Variants in AKNA observed in about 807,000 individuals in gnomAD.
The protein encoded by AKNA is microtubule organization protein AKNA.
In AKNA, 67 loss-of-function variants were observed where a neutral mutation model predicts 138.8. The observed-to-expected ratio is 0.48, with a 90% CI of 0.40 to 0.59. AKNA has a LOEUF of 0.59. Ranked by LOEUF, AKNA falls within the 20% of genes least tolerant of loss-of-function variation. AKNA has a pLI of 0.00. For synonymous variants in AKNA, 737 were observed against 754.4 expected (o/e 0.98, Z 0.38); for missense variants, 1,813 against 1,880.4 (o/e 0.96, Z 0.66).
chr9:114,387,836 C>A (rs1461745471), intron 1 of AKNA, 24 bp downstream of exon 1: 2 of 440,992 alleles, frequency 4.5e-6, no homozygotes, highest in Admixed American at 2.4e-5. Context: ...GCCTCCCGGG[C>A]CCTCCTCCGT....
rs1831771176 is a variant in AKNA at position 114,359,579 on chromosome 9, G to C, written c.2492+15C>G. The C allele has an allele frequency of 6.2e-7, 1 of 1,610,838 alleles. No individual in the cohort carries two copies. Among genetic ancestry groups the C allele is most frequent in the Admixed American group, 1.7e-5 (1 of 59,870 alleles). On this transcript the variant is annotated intron_variant, in intron 11 of 21. Transcript: ENST00000374088. Reference sequence around the variant, plus strand: ...GTGGAAACAAACATTCTGCAGGAAAGGCTCAGTGACTTACTCCAGGGGAGC... The same window carrying C: ...GTGGAAACAAACATTCTGCAGGAAACGCTCAGTGACTTACTCCAGGGGAGC...
At chr9:114,342,402 G>A (rs1008447881) in intron 19 of AKNA, among the ~76,000 whole-genome samples, 2 of 152,172 alleles carry the variant, frequency 1.3e-5, no homozygotes, top group African/African-American at 4.8e-5. Flanking sequence ...TTTACAGATG[G>A]GGAAATTAAG....
At position 114,387,915 on chromosome 9, in the gene AKNA, A is replaced by G; in HGVS notation, c.-169T>C. The G allele has an allele frequency of 2.2e-6, 1 of 454,608 alleles. No individual in the cohort carries two copies. 28.2% of individuals were successfully genotyped at this position (454,608 alleles called of 1,614,324 possible). On this transcript the variant is annotated 5_prime_UTR_variant, in exon 1 of 22. Coordinates refer to ENST00000374088, the MANE Select transcript of AKNA (RefSeq NM_001317950.2). ...CCCAGTTTCAGGGGACCTGCCTGTG[A>G]ATTCTTTGTTCCAAACCCAGGGAGC...
rs1373206546 is a variant in AKNA, at chr9:114,376,588, C to T, written c.1219G>A (p.Val407Met). ...FKSPAEIVQE[V>M]LLSSGEAALA... ...GCTGCTTCTCCACTGCTCAACAGCA[C>T]CTCCTGCACAATCTCAGCTGGAGAC... Residue 407 changes from valine to methionine, a missense_variant, in exon 3 of 22, where the codon GTG becomes ATG. Physicochemically the swap from Val to Met is conservative, Grantham distance 21. Coordinates refer to ENST00000374088, the MANE Select transcript of AKNA (RefSeq NM_001317950.2). The T allele has an allele frequency of 2.5e-6, 4 of 1,614,042 alleles. No individual in the cohort carries two copies. The highest frequency in any genetic ancestry group is 3.4e-6 in the Non-Finnish European group (4 of 1,180,036).
At chr9:114,342,653 A>G (rs367763040) in intron 19 of AKNA, among the ~76,000 whole-genome samples, 4 of 152,088 alleles carry the variant, frequency 2.6e-5, no homozygotes, top group South Asian at 2.1e-4. Context: ...TACATCCCCA[A>G]TGCCACACCT....
rs73656047 is a variant in AKNA at position 114,356,756 on chromosome 9, G to T, written c.2846+107C>A. The T allele has an allele frequency of 3.1e-3, 3,045 of 987,954 alleles. 72 individuals are homozygous for T. In the African/African-American group the frequency reaches 0.046, roughly 15 times the overall value. The allele number at this position is 987,954 out of a possible 1,614,324, so 61.2% of individuals were successfully genotyped here. A position where few individuals can be genotyped will look rare whatever the true frequency, so the allele number is the denominator to read the frequency against. ...GTTAGGGGATGAAATGAGGGCCTAC[G>T]AATGGACAGACCATCCTCTCTTATT... On this transcript the variant is annotated intron_variant, in intron 13 of 21. Transcript: ENST00000374088.
At chr9:114,389,450 T>C (rs1291899037), upstream of AKNA, among the ~76,000 whole-genome samples, 5 of 152,192 alleles carry the variant, frequency 3.3e-5, no homozygotes, top group African/African-American at 1.2e-4. Context: ...AGAGTCACTG[T>C]GGACCTGGGT....
chr9:114,346,647 G>C, intron 17 of AKNA, 22 bp downstream of exon 17: 3 of 1,576,316 alleles, frequency 1.9e-6, no homozygotes, highest in Non-Finnish European at 2.6e-6. Flanking sequence ...CTGGAAATCA[G>C]CCTTTGCAGG....
intron 8 of AKNA, 71 bp downstream of exon 8, chr9:114,362,335 C>G: frequency 6.6e-7 from 1 of 1,506,196 alleles, no homozygotes; most frequent in Non-Finnish European, 8.9e-7. Flanking sequence ...AAAGTGCCTC[C>G]CTCCTGGAGA....
chr9:114,344,042 G>A, intron 18 of AKNA: 1 of 438,052 alleles, frequency 2.3e-6, no homozygotes, highest in Non-Finnish European at 4.1e-6. Context: ...TTTATTGTAA[G>A]CTTTCTCCAG....
intron 17 of AKNA, 51 bp downstream of exon 17, chr9:114,346,618 C>G (rs1186004436): frequency 1.4e-6 from 2 of 1,445,744 alleles, no homozygotes; most frequent in East Asian, 2.3e-5. Flanking sequence ...ACTGAGCCAA[C>G]ATGCTCAGAC....
At chr9:114,356,741 G>T in intron 13 of AKNA, 122 bp downstream of exon 13, 1 of 854,354 alleles carries the variant, frequency 1.2e-6, no homozygotes, top group Non-Finnish European at 1.8e-6. Context: ...GTTAGGGGAT[G>T]AAATGAGGGC....
rs1264032335 is a variant in AKNA at position 114,337,024 on chromosome 9, C to T, written c.*30G>A. 1.3e-5 allele frequency: 5 copies of T among 382,228 alleles called. No homozygotes were observed. Among genetic ancestry groups the T allele is most frequent in the African/African-American group, 6.3e-5 (3 of 47,250 alleles). The allele number at this position is 382,228 out of a possible 1,614,324, so 23.7% of individuals were successfully genotyped here. On this transcript the variant is annotated 3_prime_UTR_variant, in exon 22 of 22. Transcript: ENST00000374088. ...CTGGCAGGCCACCTGCCCACCCACC[C>T]ACCCATCTGCCTCTGGGCCCCCAGT...
At chr9:114,367,805 A>C in intron 5 of AKNA, 108 bp from the exon 6 acceptor site, 328 of 1,256,542 alleles carry the variant, frequency 2.6e-4, no homozygotes, top group Non-Finnish European at 3.1e-4. Context: ...GTTATAGCTC[A>C]GTCACCATGT....
intron 6 of AKNA, among the ~76,000 whole-genome samples, chr9:114,366,124 C>T (rs1832334018): frequency 6.6e-6 from 1 of 151,896 alleles, no homozygotes; most frequent in African/African-American, 2.4e-5. Flanking sequence ...ACTAAAAATA[C>T]AAAAATTAGC....
intron 1 of AKNA, among the ~76,000 whole-genome samples, chr9:114,382,672 C>A (rs1833774645): frequency 6.6e-6 from 1 of 150,928 alleles, no homozygotes; most frequent in East Asian, 1.9e-4. Flanking sequence ...GAAGTCCCAA[C>A]ACATGCTACA....
rs148745966 is a variant in AKNA, at chr9:114,337,108, C to T, written c.4266G>A (p.Ser1422=). 323 of 1,602,744 alleles carry T rather than the reference C, an allele frequency of 2.0e-4. No individual in the cohort carries two copies. In the African/African-American group the frequency reaches 3.2e-3, roughly 16 times the overall value. Residue 1422 remains serine, a synonymous_variant, in exon 22 of 22, where the codon TCG becomes TCA. Coordinates refer to ENST00000374088, the MANE Select transcript of AKNA (RefSeq NM_001317950.2). ...GAGCCTGGCGCAGGTCGGCTGACAG[C>T]GAGCTTCTCATCTGCCTGGTGGTAG... The part of the protein sequence containing the change: ...VRSTTRQMRS[S]LSADLRQAHS...
intron 17 of AKNA, among the ~76,000 whole-genome samples, chr9:114,346,267 T>C (rs1329713617): frequency 6.6e-6 from 1 of 152,226 alleles, no homozygotes; most frequent in Non-Finnish European, 1.5e-5. Context: ...CATGGTGAGC[T>C]GTCCCTTTAA....
At chr9:114,345,768 T>C (rs944775282) in intron 18 of AKNA, 95 bp downstream of exon 18, 28 of 1,153,340 alleles carry the variant, frequency 2.4e-5, no homozygotes, top group Non-Finnish European at 3.0e-5. Flanking sequence ...GATATTTGAA[T>C]GGCCCACTGG....
Sources: allele counts gnomAD v4.1 joint callset (sites outside exome capture counted in the v4.1 genomes callset), GRCh38; gene constraint gnomAD v4.1.1; transcripts MANE v1.5; gene names NCBI Gene and HGNC (gene_info 2026-07-23, HGNC 2026-07-21).